SPIDR: variants seen among roughly 807,000 people sequenced by gnomAD.
SPIDR encodes DNA repair-scaffolding protein.
SPIDR carries 93 observed loss-of-function variants against 104.6 expected under a neutral mutation model. The ratio of observed to expected loss-of-function variants is 0.89; its 90% confidence interval spans 0.75 to 1.06. SPIDR has a LOEUF of 1.06. Among genes scored for constraint, SPIDR ranks in the 50% least tolerant of loss-of-function variants. The pLI, the probability that SPIDR is intolerant of heterozygous loss-of-function variation, is 0.00. For synonymous variants in SPIDR, 431 were observed against 416.9 expected, an observed-to-expected ratio of 1.03 and a Z score of -0.41; for missense variants, 1,154 against 1,111.2, an observed-to-expected ratio of 1.04 and a Z score of -0.55.
intron 12 of SPIDR, among the ~76,000 whole-genome samples, chr8:47,701,198 C>G (rs1370770651): frequency 1.3e-5 from 2 of 152,164 alleles, no homozygotes; most frequent in Admixed American, 1.3e-4. Flanking sequence ...CTTGGGAGGC[C>G]GAGGCAGGCA....
intron 7 of SPIDR, among the ~76,000 whole-genome samples, chr8:47,423,938 T>A (rs946872047): frequency 3.3e-5 from 5 of 152,210 alleles, no homozygotes; most frequent in Admixed American, 1.3e-4. Flanking sequence ...TGGTGAACAG[T>A]GATTACTAAG....
chr8:47,417,493 G>GT (rs2064569109), intron 7 of SPIDR, among the ~76,000 whole-genome samples: 1 of 152,070 alleles, frequency 6.6e-6, no homozygotes, highest in South Asian at 2.1e-4. Context: ...TTGTAAATTT[G>GT]TTTGAGTTCA....
At chr8:47,426,644 C>T (rs965667309) in intron 7 of SPIDR, among the ~76,000 whole-genome samples, 3 of 152,156 alleles carry the variant, frequency 2.0e-5, no homozygotes, top group Non-Finnish European at 2.9e-5. Flanking sequence ...AATAGAACAC[C>T]ACAGACTGGA....
In SPIDR at chr8:47,260,939, C is replaced by G. The variant is rs899984019; in HGVS notation, c.-20C>G. The G allele has an allele frequency of 8.1e-7, 1 of 1,227,668 alleles. No homozygotes were observed. Among genetic ancestry groups the G allele is most frequent in the Non-Finnish European group, 1.0e-6 (1 of 985,128 alleles). 76.0% of individuals were successfully genotyped at this position (1,227,668 alleles called of 1,614,324 possible). ...GGCGGCGCGCTGAGGAGGCGGTGCG[C>G]TCAGGCGGCGCTCCCGGAGATGCCC... On this transcript the variant is annotated 5_prime_UTR_variant, in exon 1 of 20. Transcript: ENST00000297423.
chr8:47,279,926 G>T lies in SPIDR; in HGVS notation c.98G>T (p.Arg33Ile), dbSNP rs2037383569. 6 of 1,614,106 alleles carry T rather than the reference G, an allele frequency of 3.7e-6. No homozygotes were observed. Among genetic ancestry groups the T allele is most frequent in the Non-Finnish European group, 4.2e-6 (5 of 1,179,974 alleles). ...GGAGAAAGACCACTGCAGGTCAGAA[G>T]AGCAGGTCTCAGGACAGCAGGGGCA... ...FPGERPLQVR[R>I]AGLRTAGAAA... is the part of the protein sequence containing the mutation. The change falls in exon 2 of 20, where the codon AGA becomes ATA. Residue 33 changes from arginine (R) to isoleucine (I), a missense_variant. By Grantham distance (97) the Arg-to-Ile change is moderately conservative. Coordinates refer to ENST00000297423, the MANE Select transcript of SPIDR (RefSeq NM_001080394.4).
intron 8 of SPIDR, among the ~76,000 whole-genome samples, chr8:47,476,648 G>C (rs1342399990): frequency 6.6e-6 from 1 of 151,134 alleles, no homozygotes; most frequent in Non-Finnish European, 1.5e-5. Flanking sequence ...ATTCTTCACC[G>C]AACTAAGGGT....
chr8:47,353,286 C>T (rs1221999830), intron 5 of SPIDR, among the ~76,000 whole-genome samples: 4 of 152,062 alleles, frequency 2.6e-5, no homozygotes, highest in Non-Finnish European at 4.4e-5. Flanking sequence ...CCCTTGTGGC[C>T]GAATTAGCAG....
At chr8:47,412,135 C>T (rs747360366) in intron 7 of SPIDR, among the ~76,000 whole-genome samples, 2 of 152,026 alleles carry the variant, frequency 1.3e-5, no homozygotes, top group African/African-American at 2.4e-5. Context: ...CTTGGCAATG[C>T]GGGCTCTTTT....
chr8:47,640,712 C>G (rs1047685125), intron 10 of SPIDR, among the ~76,000 whole-genome samples: 8 of 151,908 alleles, frequency 5.3e-5, no homozygotes, highest in Non-Finnish European at 1.2e-4. Flanking sequence ...GAGCCTCGCT[C>G]TATCGCCCAG....
At chr8:47,376,007 C>T (rs2058627196) in intron 5 of SPIDR, among the ~76,000 whole-genome samples, 1 of 152,090 alleles carries the variant, frequency 6.6e-6, no homozygotes, top group African/African-American at 2.4e-5. Context: ...TTTACATGAC[C>T]TTAGGATAGA....
chr8:47,506,542 C>G (rs1364127145), intron 8 of SPIDR, among the ~76,000 whole-genome samples: 2 of 152,104 alleles, frequency 1.3e-5, no homozygotes, highest in Non-Finnish European at 2.9e-5. Flanking sequence ...TAGACCCTAT[C>G]TAAAACTGGG....
intron 5 of SPIDR, among the ~76,000 whole-genome samples, chr8:47,312,932 C>G (rs587699734): frequency 1.2e-4 from 18 of 152,262 alleles, no homozygotes; most frequent in African/African-American, 4.3e-4. Flanking sequence ...TTTCAGCTTT[C>G]TACATATGGC....
At chr8:47,435,500 G>T (rs1157160808) in intron 7 of SPIDR, among the ~76,000 whole-genome samples, 1 of 152,100 alleles carries the variant, frequency 6.6e-6, no homozygotes, top group Non-Finnish European at 1.5e-5. Context: ...CATCTGCTAG[G>T]CATATGCATG....
chr8:47,635,494 G>A (rs1012482515), intron 10 of SPIDR, among the ~76,000 whole-genome samples: 12 of 151,998 alleles, frequency 7.9e-5, no homozygotes, highest in Admixed American at 3.3e-4. Flanking sequence ...ATATATACAC[G>A]TACTATGTAC....
intron 5 of SPIDR, among the ~76,000 whole-genome samples, chr8:47,359,296 G>A (rs1413530766): frequency 6.6e-6 from 1 of 151,142 alleles, no homozygotes; most frequent in Non-Finnish European, 1.5e-5. Context: ...TTTGTATAGT[G>A]TTGTTTTATA....
In SPIDR at chr8:47,279,933, T is replaced by G; in HGVS notation, c.105T>G (p.Gly35=). Residue 35 remains glycine (G), a synonymous_variant, in exon 2 of 20, where the codon GGT becomes GGG. Transcript: ENST00000297423. ...GERPLQVRRA[G]LRTAGAAASL... Reference sequence around the variant, plus strand: ...GACCACTGCAGGTCAGAAGAGCAGGTCTCAGGACAGCAGGGGCAGCTGCCT... The same window carrying G: ...GACCACTGCAGGTCAGAAGAGCAGGGCTCAGGACAGCAGGGGCAGCTGCCT... 6.2e-7 allele frequency: 1 copy of G among 1,614,100 alleles called. No individual in the cohort carries two copies. Among genetic ancestry groups the G allele is most frequent in the Non-Finnish European group, 8.5e-7 (1 of 1,180,006 alleles).
chr8:47,541,949 A>G (rs1187654916), intron 8 of SPIDR, among the ~76,000 whole-genome samples: 1 of 152,124 alleles, frequency 6.6e-6, no homozygotes, highest in Non-Finnish European at 1.5e-5. Context: ...AAATATGTTT[A>G]TACTATACTT....
rs376978800 is a variant in SPIDR at position 47,361,188 on chromosome 8, T to C, written c.526-35188T>C. ...TAATACCTACTTCTAGAACTTGTGG[T>C]GATGTTCATATGGAGCATCAGGAGG... is the stretch of plus-strand genomic sequence containing the variant. On this transcript the variant is annotated intron_variant, in intron 5 of 19. Transcript: ENST00000297423. 2.0e-5 allele frequency among the ~76,000 whole-genome samples: 3 copies of C among 152,198 alleles called. No individual in the cohort carries two copies. In the East Asian group the frequency reaches 5.8e-4, roughly 29 times the overall value.
Position 47,598,941 on chromosome 8 carries a change from G to A in SPIDR, c.1294-5G>A. The A allele has an allele frequency of 3.7e-6, 6 of 1,613,808 alleles. No homozygotes were observed. Among genetic ancestry groups the A allele is most frequent in the Non-Finnish European group, 5.1e-6 (6 of 1,179,924 alleles). ...GAAACTGTTCCCTTTATGTGTCTTG[G>A]CCAGGTTGTGTGTAGTGGTGTAGCC... On this transcript the variant is annotated splice_polypyrimidine_tract_variant and splice_region_variant and intron_variant, in intron 9 of 19. Coordinates refer to ENST00000297423, the MANE Select transcript of SPIDR (RefSeq NM_001080394.4).
Sources: allele counts gnomAD v4.1 joint callset (sites outside exome capture counted in the v4.1 genomes callset), GRCh38; gene constraint gnomAD v4.1.1; transcripts MANE v1.5; gene names NCBI Gene and HGNC (gene_info 2026-07-23, HGNC 2026-07-21).